PRR16: variants seen among roughly 807,000 people sequenced by gnomAD.
PRR16 encodes protein Largen.
Under a neutral mutation model 18.2 loss-of-function variants are expected in PRR16, and 6 were observed. The ratio of observed to expected loss-of-function variants is 0.33; its 90% CI spans 0.18 to 0.65. PRR16 has a LOEUF of 0.65. Ranked by LOEUF, PRR16 falls within the 30% of genes least tolerant of loss-of-function variation. The pLI, the probability that PRR16 is intolerant of heterozygous loss-of-function variation, is 0.74. For missense variants in PRR16, 412 were observed against 376.6 expected, an observed-to-expected ratio of 1.09 and a Z score of -0.78; for synonymous variants, 151 against 147.8, an observed-to-expected ratio of 1.02 and a Z score of -0.16.
intron 1 of PRR16, among the ~76,000 whole-genome samples, chr5:120,496,600 T>G (rs1396587394): frequency 6.6e-6 from 1 of 152,040 alleles, no homozygotes; most frequent in African/African-American, 2.4e-5. Context: ...CTCTCTTGTT[T>G]TCTTTGTCGA....
At position 120,487,026 on chromosome 5, in the gene PRR16, A is replaced by G. The variant is rs1404497299; in HGVS notation, c.159+22381A>G. On this transcript the variant is annotated intron_variant, in intron 1 of 1. Coordinates refer to ENST00000407149, the MANE Select transcript of PRR16 (RefSeq NM_001300783.2). Reference sequence around the variant, plus strand: ...TCTATATCTCTGTTTTGGTACCAGTACCATGCTGTTTTGGTTACTGTAGCC... The same window carrying G: ...TCTATATCTCTGTTTTGGTACCAGTGCCATGCTGTTTTGGTTACTGTAGCC... 9.2e-5 allele frequency among the ~76,000 whole-genome samples: 14 copies of G among 152,300 alleles called. No individual in the cohort carries two copies. In the South Asian group the frequency reaches 2.7e-3, roughly 29 times the overall value.
the PRR16 span, among the ~76,000 whole-genome samples, chr5:120,699,293 C>CTT: frequency 2.6e-5 from 4 of 152,158 alleles, no homozygotes; most frequent in Non-Finnish European, 4.4e-5. Flanking sequence ...ATAGCATAAC[C>CTT]TGTCTTTGCT....
the PRR16 span, among the ~76,000 whole-genome samples, chr5:120,759,319 A>G: frequency 6.6e-6 from 1 of 152,052 alleles, no homozygotes; most frequent in East Asian, 1.9e-4. Context: ...ATACATTACA[A>G]TTCATATCAC....
intron 1 of PRR16, among the ~76,000 whole-genome samples, chr5:120,673,261 C>T (rs1159003973): frequency 6.6e-6 from 1 of 152,078 alleles, no homozygotes. Context: ...GTTTCTTTTT[C>T]CTAAACAGCA....
At chr5:120,645,853 T>C (rs754667486) in intron 1 of PRR16, among the ~76,000 whole-genome samples, 37 of 151,898 alleles carry the variant, frequency 2.4e-4, no homozygotes, top group South Asian at 8.3e-4. Context: ...AAAATAAATA[T>C]ACACCATGTA....
the PRR16 span, among the ~76,000 whole-genome samples, chr5:120,703,010 C>T: frequency 1.3e-5 from 2 of 152,192 alleles, no homozygotes; most frequent in Admixed American, 6.5e-5. Flanking sequence ...GTGTGAGCAA[C>T]ATGGCTGTTT....
the PRR16 span, among the ~76,000 whole-genome samples, chr5:120,729,074 C>T: frequency 6.6e-6 from 1 of 152,118 alleles, no homozygotes; most frequent in African/African-American, 2.4e-5. Flanking sequence ...TGCTGATTCA[C>T]TGCTCATGAT....
intron 1 of PRR16, chr5:120,618,700 TAA>T (rs1754591665): frequency 3.3e-6 from 1 of 306,086 alleles, no homozygotes; most frequent in Admixed American, 6.5e-5. Flanking sequence ...CTGTTATTGC[TAA>T]GAGAGACCAA....
At chr5:120,621,308 G>A (rs951000539) in intron 1 of PRR16, among the ~76,000 whole-genome samples, 68 of 151,608 alleles carry the variant, frequency 4.5e-4, no homozygotes, top group African/African-American at 1.6e-3. Context: ...TTGCCACCTG[G>A]GCTTCTTCCT....
At chr5:120,670,032 A>G (rs1186821785) in intron 1 of PRR16, among the ~76,000 whole-genome samples, 1 of 152,128 alleles carries the variant, frequency 6.6e-6, no homozygotes, top group East Asian at 1.9e-4. Flanking sequence ...CATAAGCAAA[A>G]TATGTAATGT....
chr5:120,677,986 T>C (rs1756858345), intron 1 of PRR16, among the ~76,000 whole-genome samples: 1 of 132,628 alleles, frequency 7.5e-6, no homozygotes, highest in African/African-American at 2.8e-5. Flanking sequence ...CTCGGCTCAC[T>C]GCAAGCTCCG....
At chr5:120,622,457 GTTAT>G (rs1352253595) in intron 1 of PRR16, among the ~76,000 whole-genome samples, 3 of 151,426 alleles carry the variant, frequency 2.0e-5, no homozygotes, top group African/African-American at 4.8e-5. Context: ...CATTCCATAT[GTTAT>G]TTATTTATTT....
At chr5:120,789,167 A>G in the PRR16 span, among the ~76,000 whole-genome samples, 1 of 151,512 alleles carries the variant, frequency 6.6e-6, no homozygotes, top group Non-Finnish European at 1.5e-5. Context: ...TTATAAATCA[A>G]TTAATCATTA....
intron 1 of PRR16, among the ~76,000 whole-genome samples, chr5:120,522,346 T>A (rs187688014): frequency 1.3e-5 from 2 of 152,180 alleles, no homozygotes; most frequent in African/African-American, 4.8e-5. Context: ...GTTTCCTGAC[T>A]TTTTAATGAT....
At chr5:120,662,939 A>G (rs1756226820) in intron 1 of PRR16, among the ~76,000 whole-genome samples, 1 of 152,116 alleles carries the variant, frequency 6.6e-6, no homozygotes, top group Non-Finnish European at 1.5e-5. Flanking sequence ...TTCCACCACC[A>G]CATTCAGGGT....
At chr5:120,741,725 C>G in the PRR16 span, among the ~76,000 whole-genome samples, 1 of 151,908 alleles carries the variant, frequency 6.6e-6, no homozygotes, top group South Asian at 2.1e-4. Flanking sequence ...TCTCAGCCTC[C>G]GAGTAGCTGG....
intron 1 of PRR16, among the ~76,000 whole-genome samples, chr5:120,582,549 A>C (rs2112757782): frequency 6.6e-6 from 1 of 152,230 alleles, no homozygotes; most frequent in African/African-American, 2.4e-5. Context: ...CAAAAGCAAT[A>C]AACTATGCTC....
chr5:120,555,557 A>T (rs1486099227), intron 1 of PRR16, among the ~76,000 whole-genome samples: 1 of 151,254 alleles, frequency 6.6e-6, no homozygotes, highest in East Asian at 1.9e-4. Flanking sequence ...GAGAGATCTG[A>T]TCTCTCTTCT....
chr5:120,491,267 G>A (rs2112827339), intron 1 of PRR16, among the ~76,000 whole-genome samples: 1 of 152,178 alleles, frequency 6.6e-6, no homozygotes, highest in Non-Finnish European at 1.5e-5. Flanking sequence ...GAAAAGAATG[G>A]AAAATAACTC....
Sources: gnomAD v4.1 joint callset for allele counts (sites outside exome capture counted in the v4.1 genomes callset) on GRCh38, gnomAD v4.1.1 for gene constraint, MANE v1.5 for transcripts, NCBI Gene and HGNC (gene_info 2026-07-23, HGNC 2026-07-21) for gene names.